Variants in CDH18 observed in about 807,000 individuals in gnomAD.
CDH18 encodes the protein cadherin-18.
Under a neutral mutation model 67.9 loss-of-function variants are expected in CDH18, and 31 were observed. The ratio of observed to expected loss-of-function variants is 0.46; its 90% CI spans 0.34 to 0.62. The LOEUF (loss-of-function observed/expected upper bound fraction) is 0.62, where lower values mean the gene tolerates loss of function less well. Among genes scored for constraint, CDH18 ranks in the 20% least tolerant of loss-of-function variants. The pLI is 0.01. For synonymous variants in CDH18, 362 were observed against 347.2 expected (o/e 1.04, Z -0.48); for missense variants, 890 against 975.5 (o/e 0.91, Z 1.17).
At chr5:19,513,158 A>G (rs1745390253) in intron 10 of CDH18, among the ~76,000 whole-genome samples, 1 of 151,992 alleles carries the variant, frequency 6.6e-6, no homozygotes, top group African/African-American at 2.4e-5. Flanking sequence ...CCCAGGCTGG[A>G]GTGCAGTGGC....
At chr5:20,325,355 C>T (rs1278523388) in intron 1 of CDH18, among the ~76,000 whole-genome samples, 2 of 152,120 alleles carry the variant, frequency 1.3e-5, no homozygotes. Context: ...ATATTGTATC[C>T]CACTTGTGGA....
At chr5:19,672,206 C>T (rs904765563) in intron 5 of CDH18, among the ~76,000 whole-genome samples, 4 of 152,172 alleles carry the variant, frequency 2.6e-5, no homozygotes, top group African/African-American at 9.6e-5. Flanking sequence ...ATCAGCATCC[C>T]CTAGTTATAA....
rs1781998058 is a variant in CDH18, at chr5:19,839,149, T to C, written c.-163A>G. On this transcript the variant is annotated 5_prime_UTR_variant, in exon 3 of 13. Coordinates refer to ENST00000382275, the MANE Select transcript of CDH18 (RefSeq NM_004934.5). ...AACTGTCCATCAGGGAAAGGTCAGA[T>C]CATATTTACATTCTGAACCACTTGG... 5.0e-6 allele frequency: 3 copies of C among 595,952 alleles called. No homozygotes were observed. In the Admixed American group the frequency reaches 8.8e-5, roughly 18 times the overall value. 36.9% of individuals were successfully genotyped at this position (595,952 alleles called of 1,614,324 possible).
chr5:20,053,252 A>T (rs1401477784), intron 2 of CDH18, among the ~76,000 whole-genome samples: 1 of 151,272 alleles, frequency 6.6e-6, no homozygotes, highest in Non-Finnish European at 1.5e-5. Context: ...TATATCATAC[A>T]GTCCATATAT....
chr5:19,965,438 T>C (rs1437872565), intron 2 of CDH18, among the ~76,000 whole-genome samples: 1 of 152,192 alleles, frequency 6.6e-6, no homozygotes, highest in Non-Finnish European at 1.5e-5. Context: ...TTGATGACTT[T>C]ACATAAACTA....
intron 1 of CDH18, among the ~76,000 whole-genome samples, chr5:20,401,623 T>C (rs1275362414): frequency 6.6e-6 from 1 of 152,134 alleles, no homozygotes; most frequent in Non-Finnish European, 1.5e-5. Flanking sequence ...ACTTAGTTGA[T>C]CAAATTATAA....
intron 2 of CDH18, among the ~76,000 whole-genome samples, chr5:19,860,119 T>C (rs1456099152): frequency 1.3e-5 from 2 of 152,042 alleles, no homozygotes; most frequent in East Asian, 1.9e-4. Flanking sequence ...TGGTCATCCA[T>C]TGAATAATTT....
chr5:19,652,477 T>C (rs1755718932), intron 5 of CDH18, among the ~76,000 whole-genome samples: 1 of 152,234 alleles, frequency 6.6e-6, no homozygotes, highest in Admixed American at 6.6e-5. Context: ...ATTCTATTGA[T>C]ATGTGCAGAC....
intron 6 of CDH18, among the ~76,000 whole-genome samples, chr5:19,600,688 G>A (rs1406760890): frequency 6.6e-6 from 1 of 151,788 alleles, no homozygotes; most frequent in Non-Finnish European, 1.5e-5. Context: ...GAAAGTACAT[G>A]GGGAGAAATT....
intron 2 of CDH18, among the ~76,000 whole-genome samples, chr5:19,929,152 A>G (rs1579644533): frequency 7.0e-6 from 1 of 143,548 alleles, no homozygotes. Context: ...TGATCAATGG[A>G]AAAGAAAACT....
intron 1 of CDH18, among the ~76,000 whole-genome samples, chr5:20,260,069 A>G (rs1005062528): frequency 1.3e-5 from 2 of 151,946 alleles, no homozygotes; most frequent in African/African-American, 4.8e-5. Context: ...GTTCCTTTCC[A>G]TAAATTAAAG....
At chr5:19,637,781 C>T (rs1753376785) in intron 5 of CDH18, among the ~76,000 whole-genome samples, 1 of 152,056 alleles carries the variant, frequency 6.6e-6, no homozygotes, top group African/African-American at 2.4e-5. Flanking sequence ...TTTTCCTCAC[C>T]CAACTCCTTG....
chr5:20,519,547 C>T (rs189280279), intron 1 of CDH18, among the ~76,000 whole-genome samples: 143 of 151,974 alleles, frequency 9.4e-4, no homozygotes, highest in Admixed American at 2.0e-3. Flanking sequence ...GTGCAGTACA[C>T]GAATATGGCA....
intron 3 of CDH18, among the ~76,000 whole-genome samples, chr5:19,806,820 A>G (rs1396141239): frequency 6.6e-6 from 1 of 152,214 alleles, no homozygotes; most frequent in African/African-American, 2.4e-5. Context: ...GAGAAGCAAG[A>G]CTGATTGTAT....
rs79578706 is a variant in CDH18 at position 20,109,771 on chromosome 5, C to T, written c.-517-117757G>A. On this transcript the variant is annotated intron_variant, in intron 2 of 14. Coordinates refer to the CDH18 transcript ENST00000507958. ...CAACAAAGGATTGTTTTCTGGAAGACGTGATTATCTTTCTCCTGCTTTGTT... is the reference window on the plus strand; with the variant it reads ...CAACAAAGGATTGTTTTCTGGAAGATGTGATTATCTTTCTCCTGCTTTGTT... Among the ~76,000 whole-genome samples, 1,282 of 152,188 alleles carry T rather than the reference C, an allele frequency of 8.4e-3. 87 individuals carry two copies. In the East Asian group the frequency reaches 0.19, roughly 22 times the overall value.
chr5:20,046,174 A>T (rs1740873775), intron 2 of CDH18, among the ~76,000 whole-genome samples: 1 of 151,954 alleles, frequency 6.6e-6, no homozygotes, highest in South Asian at 2.1e-4. Flanking sequence ...AAAAGGTTAG[A>T]TTCTGGAAAT....
At chr5:20,047,563 T>A (rs144921023) in intron 2 of CDH18, among the ~76,000 whole-genome samples, 163 of 151,960 alleles carry the variant, frequency 1.1e-3, no homozygotes, top group Non-Finnish European at 1.7e-3. Context: ...ATAATTCTAT[T>A]TAAAATAGAA....
chr5:20,549,047 A>C (rs922843819), intron 1 of CDH18, among the ~76,000 whole-genome samples: 2 of 152,180 alleles, frequency 1.3e-5, no homozygotes, highest in Admixed American at 1.3e-4. Flanking sequence ...AATATAAAGA[A>C]AAAATGTCTC....
intron 4 of CDH18, among the ~76,000 whole-genome samples, chr5:19,741,286 TATAC>T (rs1352157442): frequency 5.8e-5 from 8 of 138,286 alleles, no homozygotes; most frequent in Admixed American, 5.7e-4. Flanking sequence ...TACGTGTATA[TATAC>T]ATACATATAT....
Sources: gnomAD v4.1 joint callset for allele counts (sites outside exome capture counted in the v4.1 genomes callset) on GRCh38, gnomAD v4.1.1 for gene constraint, MANE v1.5 for transcripts, NCBI Gene and HGNC (gene_info 2026-07-23, HGNC 2026-07-21) for gene names.